Variants in INSL6 observed in about 807,000 individuals in gnomAD.
INSL6 encodes insulin-like peptide INSL6.
INSL6 carries 16 observed loss-of-function variants against 9.4 expected under a neutral mutation model. The observed-to-expected ratio is 1.70, with a 90% CI of 1.15 to 2.59. INSL6 has a LOEUF of 2.59. Among genes scored for constraint, INSL6 ranks in the 30% most tolerant of loss-of-function variants. The pLI is 0.00. For synonymous variants in INSL6, 154 were observed against 96.9 expected (o/e 1.59, Z -3.46); for missense variants, 391 against 257.3 (o/e 1.52, Z -3.56).
chr9:5,059,833 C>T, the INSL6 span, among the ~76,000 whole-genome samples: 1 of 152,076 alleles, frequency 6.6e-6, no homozygotes, highest in African/African-American at 2.4e-5. Flanking sequence ...ACTTATTGTT[C>T]ATCTGAATAT....
At chr9:5,085,365 G>C in the INSL6 span, 1 of 904,878 alleles carries the variant, frequency 1.1e-6, no homozygotes, top group East Asian at 2.6e-5. Context: ...ACTGATAGGT[G>C]ATCTCATGCA....
the INSL6 span, among the ~76,000 whole-genome samples, chr9:5,045,977 T>C: frequency 6.6e-6 from 1 of 152,190 alleles, no homozygotes; most frequent in Non-Finnish European, 1.5e-5. Context: ...TTTTCTGTAG[T>C]GGCTGCACTA....
the INSL6 span, among the ~76,000 whole-genome samples, chr9:5,016,559 C>A: frequency 6.6e-6 from 1 of 152,170 alleles, no homozygotes; most frequent in East Asian, 1.9e-4. Context: ...TGTAAGTAAA[C>A]CTCTAATTGA....
At chr9:5,134,215 T>G (rs1586854949) in intron 2 of INSL6, among the ~76,000 whole-genome samples, 1 of 152,060 alleles carries the variant, frequency 6.6e-6, no homozygotes, top group Non-Finnish European at 1.5e-5. Flanking sequence ...AAATCTACGT[T>G]TGGTGTACCT....
At chr9:5,085,542 G>C in the INSL6 span, 5 of 704,710 alleles carry the variant, frequency 7.1e-6, no homozygotes, top group Non-Finnish European at 1.3e-5. Context: ...CAATAACTCG[G>C]GTTAAAATAG....
chr9:5,109,857 T>C, the INSL6 span: 1 of 152,182 alleles, frequency 6.6e-6, no homozygotes, highest in Non-Finnish European at 1.5e-5. Flanking sequence ...ATTCTTCCAA[T>C]ATTCCACCAA....
the INSL6 span, chr9:5,097,618 G>A: frequency 6.7e-6 from 1 of 149,054 alleles, no homozygotes; most frequent in Non-Finnish European, 1.5e-5. Flanking sequence ...TGGCATCAAG[G>A]TCTTTAGCTG....
chr9:5,157,680 C>T (rs1447398337), intron 2 of INSL6, among the ~76,000 whole-genome samples: 3 of 152,120 alleles, frequency 2.0e-5, no homozygotes, highest in East Asian at 3.9e-4. Context: ...TTAAGTGAAA[C>T]ACCCAAGTTC....
the INSL6 span, among the ~76,000 whole-genome samples, chr9:5,036,240 T>A: frequency 6.6e-6 from 1 of 152,178 alleles, no homozygotes; most frequent in Non-Finnish European, 1.5e-5. Context: ...TACAAACAAA[T>A]GGAAGAACAT....
intron 2 of INSL6, among the ~76,000 whole-genome samples, chr9:5,157,683 C>G (rs1586867455): frequency 6.6e-6 from 1 of 152,016 alleles, no homozygotes; most frequent in Admixed American, 6.5e-5. Flanking sequence ...AGTGAAACAC[C>G]CAAGTTCCTT....
rs1825546864 is a variant in INSL6, at chr9:5,185,353, G to C, written c.250C>G (p.Gln84Glu). 6.2e-7 allele frequency: 1 copy of C among 1,614,018 alleles called. No individual in the cohort carries two copies. Among genetic ancestry groups the C allele is most frequent in the Non-Finnish European group, 8.5e-7 (1 of 1,180,024 alleles). Reference sequence around the variant, plus strand: ...CTTCCCCGGGCCGGGGAAGCGGTTTGCGGGCTTTCGAACTGGTATGGGCTG... The same window carrying C: ...CTTCCCCGGGCCGGGGAAGCGGTTTCCGGGCTTTCGAACTGGTATGGGCTG... ...AYSPYQFESP[Q>E]TASPARGRGT... Residue 84 changes from glutamine to glutamate, a missense_variant, in exon 1 of 2, where the codon CAA becomes GAA. Coordinates refer to ENST00000381641, the MANE Select transcript of INSL6 (RefSeq NM_007179.3).
the INSL6 span, chr9:5,091,101 T>C: frequency 6.5e-6 from 3 of 464,602 alleles, no homozygotes; most frequent in Non-Finnish European, 1.1e-5. Context: ...AAATGGCATA[T>C]GCTTTATTTC....
chr9:5,149,130 C>T (rs1196166268), intron 2 of INSL6, among the ~76,000 whole-genome samples: 2 of 152,166 alleles, frequency 1.3e-5, no homozygotes, highest in Admixed American at 6.5e-5. Context: ...GGGAGATCCC[C>T]CTGCCACTTC....
At chr9:5,127,310 G>C (rs1471284635) in intron 3 of INSL6, 1 of 232,032 alleles carries the variant, frequency 4.3e-6, no homozygotes, top group Non-Finnish European at 8.5e-6. Context: ...AAGATGTTCA[G>C]ATAATTGAAT....
the INSL6 span, chr9:5,089,588 C>CAAA: frequency 4.6e-6 from 1 of 219,026 alleles, no homozygotes; most frequent in Non-Finnish European, 8.9e-6. Context: ...ATTCCAGCTA[C>CAAA]TAGAATTTTC....
At chr9:5,041,048 C>A in the INSL6 span, 1 of 682,616 alleles carries the variant, frequency 1.5e-6, no homozygotes, top group Non-Finnish European at 2.7e-6. Flanking sequence ...AGCAGCTCAG[C>A]GCCATAGAGG....
intron 3 of INSL6, chr9:5,128,080 T>TTGTGTGTGTGTGTG (rs139964957): frequency 4.2e-4 from 95 of 224,798 alleles, no homozygotes; most frequent in African/African-American, 2.0e-3. Flanking sequence ...ATGGTGGGTT[T>TTGTGTGTGTGTGTG]TGTGTGTGTG....
At chr9:5,105,712 C>T in the INSL6 span, among the ~76,000 whole-genome samples, 1 of 152,118 alleles carries the variant, frequency 6.6e-6, no homozygotes, top group African/African-American at 2.4e-5. Flanking sequence ...GCTACCCAAA[C>T]AGAGATAGAC....
chr9:5,098,139 G>A, the INSL6 span: 1 of 152,118 alleles, frequency 6.6e-6, no homozygotes, highest in Non-Finnish European at 1.5e-5. Flanking sequence ...AATTTAGAGT[G>A]ACTTTATGGC....
Sources: gnomAD v4.1 joint callset for allele counts (sites outside exome capture counted in the v4.1 genomes callset) on GRCh38, gnomAD v4.1.1 for gene constraint, MANE v1.5 for transcripts, NCBI Gene and HGNC (gene_info 2026-07-23, HGNC 2026-07-21) for gene names.